The following FHIT variants were observed in gnomAD, a reference collection of about 807,000 sequenced individuals.
FHIT encodes fragile histidine triad diadenosine triphosphatase, also known as bis(5'-adenosyl)-triphosphatase.
In FHIT, 19 loss-of-function variants were observed where a neutral mutation model predicts 17.9. The observed-to-expected ratio is 1.06, with a 90% CI of 0.74 to 1.56. The LOEUF (loss-of-function observed/expected upper bound fraction) is 1.56, where lower values mean the gene tolerates loss of function less well. FHIT is among the 40% of genes most tolerant of loss of function. The pLI is 0.00. For synonymous variants in FHIT, 81 were observed against 69.7 expected, an observed-to-expected ratio of 1.16 and a Z score of -0.81; for missense variants, 248 against 189.2, an observed-to-expected ratio of 1.31 and a Z score of -1.82.
chr3:60,568,891 G>A (rs1367871127), intron 4 of FHIT, among the ~76,000 whole-genome samples: 1 of 151,616 alleles, frequency 6.6e-6, no homozygotes, highest in East Asian at 1.9e-4. Context: ...ATTCCTCTTG[G>A]AAAAGTCACC....
intron 7 of FHIT, among the ~76,000 whole-genome samples, chr3:59,925,012 GTTTTTTCCTCTT>G (rs58632532): frequency 0.069 from 10,526 of 151,896 alleles, 721 homozygotes; most frequent in East Asian, 0.33. Flanking sequence ...CTCTTTTCTT[GTTTTTTCCTCTT>G]TTTTTTCCTT....
At chr3:60,820,316 G>T (rs1559747567) in intron 4 of FHIT, among the ~76,000 whole-genome samples, 1 of 151,860 alleles carries the variant, frequency 6.6e-6, no homozygotes, top group Admixed American at 6.6e-5. Flanking sequence ...AAAAAAGAAA[G>T]CCCTCCTTCA....
chr3:60,302,517 T>A (rs1487689336), intron 5 of FHIT, among the ~76,000 whole-genome samples: 1 of 152,168 alleles, frequency 6.6e-6, no homozygotes, highest in Non-Finnish European at 1.5e-5. Flanking sequence ...ATGCCTCTAA[T>A]GCAATTTAGT....
intron 4 of FHIT, among the ~76,000 whole-genome samples, chr3:60,563,472 G>C (rs550589889): frequency 6.6e-6 from 1 of 152,166 alleles, no homozygotes. Flanking sequence ...AAGTAGAAAC[G>C]ATAAAGCTTA....
chr3:60,257,871 C>A (rs1450898341), intron 5 of FHIT, among the ~76,000 whole-genome samples: 1 of 151,886 alleles, frequency 6.6e-6, no homozygotes, highest in Admixed American at 6.6e-5. Flanking sequence ...ATGGCGGGAA[C>A]AAAACAAACT....
Position 60,689,747 on chromosome 3 carries a change from G to T in FHIT, c.-18+132172C>A, listed in dbSNP as rs935379585. On this transcript the variant is annotated intron_variant, in intron 4 of 9. Coordinates refer to ENST00000492590, the MANE Select transcript of FHIT (RefSeq NM_002012.4). Reference sequence around the variant, plus strand: ...TTTGAGTCTACCCCTAGAAAAATGAGAATTTGTCACAAATTTATTTCTGGA... The same window carrying T: ...TTTGAGTCTACCCCTAGAAAAATGATAATTTGTCACAAATTTATTTCTGGA... 6.7e-4 allele frequency among the ~76,000 whole-genome samples: 102 copies of T among 152,202 alleles called. 1 individual carries two copies. The highest frequency in any genetic ancestry group is 2.4e-3 in the African/African-American group (100 of 41,536).
chr3:60,290,242 G>C (rs1383708348), intron 5 of FHIT, among the ~76,000 whole-genome samples: 17 of 152,138 alleles, frequency 1.1e-4, no homozygotes. Flanking sequence ...TACTGTGCTT[G>C]ACAGCTTCTA....
At chr3:59,854,849 G>C (rs1210492492) in intron 8 of FHIT, among the ~76,000 whole-genome samples, 2 of 152,178 alleles carry the variant, frequency 1.3e-5, no homozygotes, top group Admixed American at 1.3e-4. Flanking sequence ...GTATTAATAG[G>C]AGGCTAAGAA....
chr3:60,407,928 AC>A (rs1487995351), intron 5 of FHIT, among the ~76,000 whole-genome samples: 3 of 152,220 alleles, frequency 2.0e-5, no homozygotes, highest in Non-Finnish European at 4.4e-5. Context: ...GAAGAGTATC[AC>A]ACAACCATTA....
At chr3:61,238,404 G>A (rs2040284516) in intron 1 of FHIT, among the ~76,000 whole-genome samples, 2 of 152,166 alleles carry the variant, frequency 1.3e-5, no homozygotes, top group African/African-American at 4.8e-5. Context: ...CACTCACCCT[G>A]CATAAGGACC....
intron 4 of FHIT, among the ~76,000 whole-genome samples, chr3:60,602,554 G>A (rs1397159857): frequency 1.3e-5 from 2 of 151,960 alleles, no homozygotes; most frequent in Non-Finnish European, 2.9e-5. Context: ...CCAGCTAAGA[G>A]ATAAATAAAA....
Position 60,676,454 on chromosome 3 carries a change from T to G in FHIT, c.-17-139475A>C, listed in dbSNP as rs2040623322. On this transcript the variant is annotated intron_variant, in intron 4 of 9. Transcript: ENST00000492590. The stretch of plus-strand genomic sequence containing the variant: ...ACCACCACTAGGTTTATTCTTTATT[T>G]GTTCAACATGTTTTCATTAAATTAG... 3.3e-5 allele frequency among the ~76,000 whole-genome samples: 5 copies of G among 152,208 alleles called. No individual in the cohort carries two copies. The South Asian group carries it at 1.0e-3, about 32-fold the overall frequency.
chr3:60,251,762 CT>C (rs1705724043), intron 5 of FHIT, among the ~76,000 whole-genome samples: 1 of 152,190 alleles, frequency 6.6e-6, no homozygotes, highest in African/African-American at 2.4e-5. Flanking sequence ...GCATACCTTT[CT>C]TTTCCCTCCC....
intron 5 of FHIT, among the ~76,000 whole-genome samples, chr3:60,309,679 G>A (rs1449029508): frequency 2.6e-5 from 4 of 152,018 alleles, no homozygotes; most frequent in African/African-American, 9.7e-5. Context: ...CAGACTCTGA[G>A]GTCAGATTCT....
chr3:60,531,984 C>G (rs1367701699), intron 5 of FHIT, among the ~76,000 whole-genome samples: 2 of 152,108 alleles, frequency 1.3e-5, no homozygotes, highest in African/African-American at 2.4e-5. Context: ...TTAAAGTTAC[C>G]TAGTCTAATT....
intron 4 of FHIT, among the ~76,000 whole-genome samples, chr3:60,716,723 T>A (rs1559665406): frequency 1.3e-5 from 2 of 152,250 alleles, no homozygotes. Flanking sequence ...TATTATGTAC[T>A]GTATGTAATT....
At chr3:60,382,052 C>A (rs1700820668) in intron 5 of FHIT, among the ~76,000 whole-genome samples, 1 of 152,190 alleles carries the variant, frequency 6.6e-6, no homozygotes, top group African/African-American at 2.4e-5. Context: ...TATACTAGCA[C>A]AAATATGGTT....
At chr3:59,952,589 G>A (rs924703732) in intron 7 of FHIT, among the ~76,000 whole-genome samples, 1 of 152,106 alleles carries the variant, frequency 6.6e-6, no homozygotes, top group African/African-American at 2.4e-5. Context: ...AACATCTAGA[G>A]GTGTCACTTC....
intron 5 of FHIT, among the ~76,000 whole-genome samples, chr3:60,438,452 T>C (rs1014157416): frequency 3.3e-5 from 5 of 152,070 alleles, no homozygotes; most frequent in Admixed American, 6.6e-5. Flanking sequence ...GTCTCATCCT[T>C]ACAAGCAGCC....
Sources: allele counts gnomAD v4.1 joint callset (sites outside exome capture counted in the v4.1 genomes callset), GRCh38; gene constraint gnomAD v4.1.1; transcripts MANE v1.5; gene names NCBI Gene and HGNC (gene_info 2026-07-23, HGNC 2026-07-21).